SEC16B: variants seen among roughly 807,000 people sequenced by gnomAD.
The protein encoded by SEC16B is SEC16 homolog B, endoplasmic reticulum export factor.
A neutral mutation model predicts 141.8 loss-of-function variants in SEC16B; 115 were observed. The ratio of observed to expected loss-of-function variants is 0.81; its 90% CI spans 0.70 to 0.95. The LOEUF is 0.95. Among genes scored for constraint, SEC16B ranks in the 40% least tolerant of loss-of-function variants. SEC16B has a pLI of 0.00. For synonymous variants in SEC16B, 493 were observed against 492.5 expected (o/e 1.00, Z -0.01); for missense variants, 1,291 against 1,312.3 (o/e 0.98, Z 0.25).
At chr1:177,971,975 C>T (rs952452026), upstream of SEC16B, among the ~76,000 whole-genome samples, 1 of 152,188 alleles carries the variant, frequency 6.6e-6, no homozygotes, top group South Asian at 2.1e-4. Context: ...TTTCAGAGAA[C>T]CTGTTTAGCA....
intron 1 of SEC16B, among the ~76,000 whole-genome samples, chr1:177,983,194 A>G (rs1654490103): frequency 6.6e-6 from 1 of 152,224 alleles, no homozygotes; most frequent in Non-Finnish European, 1.5e-5. Context: ...GAGGTTATCC[A>G]TCCCAATGCA....
chr1:177,940,471 A>T (rs1398561493), intron 17 of SEC16B, 139 bp downstream of exon 17: 2 of 601,632 alleles, frequency 3.3e-6, no homozygotes, highest in African/African-American at 3.7e-5. Context: ...ACTGTGCCTC[A>T]TGGGTGATGG....
At chr1:177,983,637 C>A (rs190237051) in intron 1 of SEC16B, among the ~76,000 whole-genome samples, 2 of 152,232 alleles carry the variant, frequency 1.3e-5, no homozygotes, top group African/African-American at 2.4e-5. Context: ...AGCCACAGAG[C>A]CTCCTCTTGT....
At chr1:177,946,855 C>T (rs1396847853) in intron 13 of SEC16B, among the ~76,000 whole-genome samples, 1 of 152,130 alleles carries the variant, frequency 6.6e-6, no homozygotes, top group Non-Finnish European at 1.5e-5. Context: ...GTTTGAAATG[C>T]CTGCACCTGA....
intron 1 of SEC16B, among the ~76,000 whole-genome samples, chr1:177,978,221 A>G (rs979093147): frequency 5.9e-5 from 9 of 152,234 alleles, no homozygotes; most frequent in African/African-American, 2.2e-4. Context: ...AAATGAGTGT[A>G]TAATAATGAA....
chr1:177,933,224 G>A lies in SEC16B; in HGVS notation c.2813C>T (p.Pro938Leu). 1 of 1,582,418 alleles carries A rather than the reference G, an allele frequency of 6.3e-7. No homozygotes were observed. The highest frequency in any genetic ancestry group is 2.3e-5 in the East Asian group (1 of 43,384). ...TCCCACAGAGCCTACCTCAGAGTCA[G>A]GGCTGTCTGAGGAGTCCTCGTCTCC... ...PAGDEDSSDS[P>L]DSEETPRASS... is the part of the protein sequence containing the mutation. The change falls in exon 22 of 26, where the codon CCT becomes CTT. Residue 938 changes from proline to leucine, a missense_variant. This residue lies in a region of SEC16B where 605 missense variants were observed against 614.1 expected (regional missense o/e 0.99). Transcript: ENST00000308284.
Position 177,951,983 on chromosome 1 carries a change from C to T in SEC16B, c.1476G>A (p.Thr492=), listed in dbSNP as rs747682859. 1.2e-5 allele frequency: 19 copies of T among 1,602,702 alleles called. No individual in the cohort carries two copies. In the Middle Eastern group the frequency reaches 4.9e-4, roughly 42 times the overall value. Residue 492 remains threonine (T), a synonymous_variant, in exon 12 of 26, where the codon ACG becomes ACA. Transcript: ENST00000308284. ...YSWVMSGFTS[T]LALNDPLQTL... ...TCTGCAGTGGGTCATTGAGCGCCAG[C>T]GTGCTGGTGAAGCTGCGGAGAGAAG...
upstream of SEC16B, among the ~76,000 whole-genome samples, chr1:177,971,053 A>G (rs1653921384): frequency 6.6e-6 from 1 of 151,354 alleles, no homozygotes; most frequent in Admixed American, 6.6e-5. Flanking sequence ...GCAACTGAGC[A>G]TAGAATTCTC....
intron 1 of SEC16B, among the ~76,000 whole-genome samples, chr1:177,977,391 TAC>T (rs1654211604): frequency 6.6e-6 from 1 of 152,220 alleles, no homozygotes; most frequent in African/African-American, 2.4e-5. Flanking sequence ...CTCTTTCATT[TAC>T]AGTCATAGAA....
chr1:177,982,392 A>C (rs1416667782), intron 1 of SEC16B, among the ~76,000 whole-genome samples: 3 of 152,224 alleles, frequency 2.0e-5, no homozygotes, highest in African/African-American at 7.2e-5. Flanking sequence ...GGGGATAAGT[A>C]ATCCAAGAGA....
chr1:177,952,111 A>G lies in SEC16B; in HGVS notation c.1464-116T>C, dbSNP rs1450339643. On this transcript the variant is annotated intron_variant, in intron 11 of 25. Coordinates refer to ENST00000308284, the MANE Select transcript of SEC16B (RefSeq NM_033127.4). The stretch of plus-strand genomic sequence containing the variant: ...AGATTTTGGCAGCTTCCTTAGGAAC[A>G]TGAGCATCGCTTTGCTTTCTGCTGT... 2.8e-5 allele frequency: 23 copies of G among 830,932 alleles called. No homozygotes were observed. In the East Asian group the frequency reaches 5.8e-4, roughly 21 times the overall value. The allele number at this position is 830,932 out of a possible 1,614,324, so 51.5% of individuals were successfully genotyped here.
rs1436486955 is a variant in SEC16B, at chr1:177,947,940, ACACTGAAAAG to A, written c.1546-8_1547del. 1 of 1,544,322 alleles carries A rather than the reference ACACTGAAAAG, an allele frequency of 6.5e-7. No homozygotes were observed. Among genetic ancestry groups the A allele is most frequent in the South Asian group, 1.2e-5 (1 of 83,928 alleles). The stretch of plus-strand genomic sequence containing the variant: ...AGTCTCCCCACTGCTTTTCTCCACA[ACACTGAAAAG>A]CACCAGAAAAAATAAATGTACAATC... On this transcript the variant is annotated splice_acceptor_variant and splice_polypyrimidine_tract_variant and coding_sequence_variant and intron_variant, in exon 13 of 26. Transcript: ENST00000308284. LOFTEE classifies it high-confidence loss of function.
chr1:177,950,515 A>C (rs1652101424), intron 12 of SEC16B, among the ~76,000 whole-genome samples: 1 of 152,228 alleles, frequency 6.6e-6, no homozygotes, highest in Admixed American at 6.5e-5. Context: ...AAACAAGCAC[A>C]GAATGTATAC....
Position 177,936,312 on chromosome 1 carries a change from T to C in SEC16B, c.2557A>G (p.Ile853Val), listed in dbSNP as rs943612200. ...TSQPPDGQEV[I>V]SKPQTPLAAR... ...TGCGCTCTCACCTGTGGTTTGGAAA[T>C]GACCTCTTGGCCATCAGGAGGCTGG... The change falls in exon 20 of 26, where the codon ATT (isoleucine) becomes GTT (valine). Residue 853 changes from isoleucine to valine, a missense_variant. By Grantham distance (29) the Ile-to-Val change is conservative (BLOSUM62 3). Transcript: ENST00000308284. 4 of 1,610,638 alleles carry C rather than the reference T, an allele frequency of 2.5e-6. No individual in the cohort carries two copies. The highest frequency in any genetic ancestry group is 1.1e-5 in the South Asian group (1 of 89,750).
At chr1:177,931,965 T>C (rs1478216433) in intron 24 of SEC16B, among the ~76,000 whole-genome samples, 2 of 151,832 alleles carry the variant, frequency 1.3e-5, no homozygotes, top group African/African-American at 4.9e-5. Flanking sequence ...GAAGCTGTTA[T>C]AGGTTGAACT....
chr1:177,947,660 T>C (rs1274620211), intron 13 of SEC16B, among the ~76,000 whole-genome samples, 165 bp downstream of exon 13: 2 of 149,100 alleles, frequency 1.3e-5, no homozygotes, highest in Admixed American at 6.7e-5. Context: ...AACCTGAGAA[T>C]CTAAGGGCAG....
chr1:177,936,919 T>G (rs477713), intron 19 of SEC16B, among the ~76,000 whole-genome samples: 117,587 of 152,022 alleles, frequency 0.77, 45,805 homozygotes, highest in Middle Eastern at 0.81. Context: ...CCCTGTAATC[T>G]CTCTCCTAGA....
chr1:177,974,265 G>A (rs1433293599), upstream of SEC16B, among the ~76,000 whole-genome samples: 2 of 152,162 alleles, frequency 1.3e-5, no homozygotes, highest in African/African-American at 4.8e-5. Context: ...TCACTGTAAT[G>A]AGCTCAAGAG....
At chr1:177,942,992 G>A (rs555380482) in intron 15 of SEC16B, among the ~76,000 whole-genome samples, 4 of 152,246 alleles carry the variant, frequency 2.6e-5, no homozygotes, top group Admixed American at 2.0e-4. Flanking sequence ...AAGAGATGAG[G>A]GCCGATAGCA....
Sources: allele counts gnomAD v4.1 joint callset (sites outside exome capture counted in the v4.1 genomes callset), GRCh38; gene constraint gnomAD v4.1.1; regional missense constraint gnomAD v4.1.1; transcripts MANE v1.5; gene names NCBI Gene and HGNC (gene_info 2026-07-23, HGNC 2026-07-21).